The following CDH4 variants were observed in gnomAD, a reference collection of about 807,000 sequenced individuals.
CDH4 encodes the protein cadherin 4, also known as cadherin-4.
In CDH4, 33 loss-of-function variants were observed where a neutral mutation model predicts 86.0. The observed-to-expected ratio is 0.38, with a 90% CI of 0.29 to 0.51. The LOEUF is 0.51. Among genes scored for constraint, CDH4 ranks in the 20% least tolerant of loss-of-function variants. The pLI is 0.86. For synonymous variants in CDH4, 555 were observed against 549.4 expected (o/e 1.01, Z -0.14); for missense variants, 1,114 against 1,307.4 (o/e 0.85, Z 2.28).
intron 2 of CDH4, among the ~76,000 whole-genome samples, chr20:61,512,078 G>A (rs1355909460): frequency 6.6e-6 from 1 of 152,142 alleles, no homozygotes; most frequent in East Asian, 1.9e-4. Flanking sequence ...TCAAGCCCGT[G>A]TGTTTACTGG....
chr20:61,894,596 C>G lies in CDH4; in HGVS notation c.1051-314C>G, dbSNP rs557894156. Among the ~76,000 whole-genome samples, 5 of 152,292 alleles carry G rather than the reference C, an allele frequency of 3.3e-5. No homozygotes were observed. In the South Asian group the frequency reaches 8.3e-4, roughly 25 times the overall value. Reference sequence around the variant, plus strand: ...GCAACCCCAGTGCCCTCTGGGCTCCCCTGTTCTCCTCCCTTCTATCTTGGC... The same window carrying G: ...GCAACCCCAGTGCCCTCTGGGCTCCGCTGTTCTCCTCCCTTCTATCTTGGC... On this transcript the variant is annotated intron_variant, in intron 7 of 15. Coordinates refer to ENST00000614565, the MANE Select transcript of CDH4 (RefSeq NM_001794.5).
chr20:61,373,271 C>G (rs1008725814), intron 2 of CDH4, among the ~76,000 whole-genome samples: 5 of 152,192 alleles, frequency 3.3e-5, no homozygotes, highest in African/African-American at 1.2e-4. Flanking sequence ...GGCAGCTCCT[C>G]TCGGTGAGGG....
At chr20:61,432,908 G>C (rs759452526) in intron 2 of CDH4, among the ~76,000 whole-genome samples, 1 of 144,792 alleles carries the variant, frequency 6.9e-6, no homozygotes, top group Non-Finnish European at 1.5e-5. Flanking sequence ...GTGTGATCTC[G>C]GATCACTGCA....
At chr20:61,812,060 T>G (rs922974439) in intron 4 of CDH4, among the ~76,000 whole-genome samples, 3 of 151,870 alleles carry the variant, frequency 2.0e-5, no homozygotes, top group Admixed American at 6.6e-5. Flanking sequence ...TTCCTGTTTC[T>G]CCCCCGCTGC....
chr20:61,712,178 G>A (rs114810295), intron 2 of CDH4, among the ~76,000 whole-genome samples: 2,316 of 152,264 alleles, frequency 0.015, 70 homozygotes, highest in South Asian at 0.096. Flanking sequence ...CCAAGGGGCC[G>A]TCTCCACCAA....
rs1048079758 is a variant in CDH4, at chr20:61,417,728, C to T, written c.169+162791C>T. 3.3e-5 allele frequency among the ~76,000 whole-genome samples: 5 copies of T among 152,164 alleles called. No individual in the cohort carries two copies. The highest frequency in any genetic ancestry group is 1.3e-4 in the Admixed American group (2 of 15,286). On this transcript the variant is annotated intron_variant, in intron 2 of 15. Coordinates refer to ENST00000614565, the MANE Select transcript of CDH4 (RefSeq NM_001794.5). The surrounding 1 kb of genome is among the most constrained non-coding windows in gnomAD (Gnocchi z 4.0). ...CATTTTACGGCTGGAGACAGGTGCACATGGCGGGAAGTGGGCACAGGAGCC... is the reference window on the plus strand; with the variant it reads ...CATTTTACGGCTGGAGACAGGTGCATATGGCGGGAAGTGGGCACAGGAGCC...
At chr20:61,652,344 A>AC (rs11481736) in intron 2 of CDH4, among the ~76,000 whole-genome samples, 56,026 of 151,866 alleles carry the variant, frequency 0.37, 11,237 homozygotes, top group Non-Finnish European at 0.46. Flanking sequence ...TACCCTACAT[A>AC]CTAAATAGCA....
At chr20:61,723,300 C>T (rs1428335931) in intron 2 of CDH4, among the ~76,000 whole-genome samples, 2 of 152,192 alleles carry the variant, frequency 1.3e-5, no homozygotes, top group Non-Finnish European at 2.9e-5. Flanking sequence ...GCCCCTGCAC[C>T]TCCTCCGGAC....
At chr20:61,343,098 C>T (rs1020306648) in intron 2 of CDH4, among the ~76,000 whole-genome samples, 1 of 152,188 alleles carries the variant, frequency 6.6e-6, no homozygotes, top group Admixed American at 6.5e-5. Context: ...CTCTGGATGC[C>T]TCATGGTGTC....
At chr20:61,635,301 G>A (rs1568725644) in intron 2 of CDH4, among the ~76,000 whole-genome samples, 2 of 152,210 alleles carry the variant, frequency 1.3e-5, no homozygotes, top group South Asian at 4.1e-4. Context: ...GCCAACACTT[G>A]TGAATGTCTG....
Position 61,928,215 on chromosome 20 carries a change from G to C in CDH4, c.1797G>C (p.Gly599=), listed in dbSNP as rs111983852. The C allele has an allele frequency of 5.6e-6, 9 of 1,602,592 alleles. 1 individual carries two copies. The East Asian group carries it at 1.6e-4, about 28-fold the overall frequency. Residue 599 remains glycine, a synonymous_variant, in exon 12 of 16, where the codon GGG becomes GGC. Transcript: ENST00000614565. ...GGATACCCCCGGCCAGCGGCACCGG[G>C]ACCCTCCAGATCTATCTCATTGACA... ...DNGIPPASGT[G]TLQIYLIDIN... is the part of the protein sequence containing the mutation.
intron 2 of CDH4, among the ~76,000 whole-genome samples, chr20:61,704,596 G>A (rs545755707): frequency 5.6e-4 from 85 of 152,322 alleles, no homozygotes; most frequent in African/African-American, 1.9e-3. Context: ...TTGGGGTGTC[G>A]TCTCAGTGGG....
At chr20:61,322,861 A>G (rs1001946768) in intron 2 of CDH4, among the ~76,000 whole-genome samples, 1 of 152,128 alleles carries the variant, frequency 6.6e-6, no homozygotes, top group Non-Finnish European at 1.5e-5. Flanking sequence ...GCATTTCTTC[A>G]AGAGTGTATT....
At chr20:61,354,761 C>T (rs980783424) in intron 2 of CDH4, among the ~76,000 whole-genome samples, 18 of 152,166 alleles carry the variant, frequency 1.2e-4, no homozygotes, top group Admixed American at 9.2e-4. Flanking sequence ...CTTATCGTCC[C>T]GGGGATGACC....
intron 2 of CDH4, among the ~76,000 whole-genome samples, chr20:61,536,155 G>A (rs890335694): frequency 2.6e-5 from 4 of 152,138 alleles, no homozygotes; most frequent in African/African-American, 7.2e-5. Context: ...CAAACCAGCC[G>A]CAGGGAAGGG....
In CDH4 at chr20:61,807,304, C is replaced by T. The variant is rs1057379807; in HGVS notation, c.576+34122C>T. Among the ~76,000 whole-genome samples, 6 of 152,208 alleles carry T rather than the reference C, an allele frequency of 3.9e-5. No individual in the cohort carries two copies. ...TGTATTCAGAACCACCAGGGCCAGA[C>T]CCAGCCTTGCTGTGGCCCCGCTGGG... On this transcript the variant is annotated intron_variant, in intron 4 of 15. Coordinates refer to ENST00000614565, the MANE Select transcript of CDH4 (RefSeq NM_001794.5). This position sits in a 1 kb window ranked among gnomAD's most constrained non-coding sequence, Gnocchi z 4.5.
At chr20:61,914,936 ATT>A (rs982778077) in intron 9 of CDH4, among the ~76,000 whole-genome samples, 21 of 152,130 alleles carry the variant, frequency 1.4e-4, no homozygotes, top group African/African-American at 4.3e-4. Context: ...TGCCGTCCCT[ATT>A]TCTGCACTTC....
chr20:61,563,540 C>G (rs1029893772), intron 2 of CDH4, among the ~76,000 whole-genome samples: 4 of 152,194 alleles, frequency 2.6e-5, no homozygotes, highest in African/African-American at 9.6e-5. Flanking sequence ...AGCTGCTGCT[C>G]CAGGGGCTGC....
chr20:61,427,302 G>A (rs2085220362), intron 2 of CDH4, among the ~76,000 whole-genome samples: 1 of 152,122 alleles, frequency 6.6e-6, no homozygotes, highest in African/African-American at 2.4e-5. Flanking sequence ...GGAACCCCTG[G>A]CCCATTTCTC....
Sources: allele counts gnomAD v4.1 joint callset (sites outside exome capture counted in the v4.1 genomes callset), GRCh38; gene constraint gnomAD v4.1.1; non-coding constraint Gnocchi (gnomAD v3.1); transcripts MANE v1.5; gene names NCBI Gene and HGNC (gene_info 2026-07-23, HGNC 2026-07-21).